EFL1: variants seen among roughly 807,000 people sequenced by gnomAD.
The protein encoded by EFL1 is elongation factor-like GTPase 1.
EFL1 carries 76 observed loss-of-function variants against 126.7 expected under a neutral mutation model. The observed-to-expected ratio is 0.60, with a 90% CI of 0.50 to 0.73. EFL1 has a LOEUF of 0.73. EFL1 is among the 30% of genes least tolerant of loss of function. EFL1 has a pLI of 0.00. For missense variants in EFL1, 1,128 were observed against 1,343.2 expected (o/e 0.84, Z 2.50); for synonymous variants, 410 against 448.4 (o/e 0.91, Z 1.08).
At chr15:82,205,347 C>G (rs2074513648) in intron 15 of EFL1, among the ~76,000 whole-genome samples, 1 of 152,224 alleles carries the variant, frequency 6.6e-6, no homozygotes, top group Non-Finnish European at 1.5e-5. Context: ...CATGCATCTA[C>G]CAGTTTTCAG....
intron 15 of EFL1, among the ~76,000 whole-genome samples, chr15:82,211,619 C>CACACACACACA (rs1595985795): frequency 5.5e-5 from 8 of 145,110 alleles, no homozygotes; most frequent in African/African-American, 1.0e-4. Context: ...CACACACACA[C>CACACACACACA]TAGACTCTCT....
chr15:82,228,233 C>T lies in EFL1; in HGVS notation c.1027G>A (p.Ala343Thr), dbSNP rs749597702. 29 of 1,613,808 alleles carry T rather than the reference C, an allele frequency of 1.8e-5. No homozygotes were observed. The African/African-American group carries it at 3.1e-4, about 17-fold the overall frequency. Residue 343 changes from alanine (A) to threonine (T), a missense_variant, in exon 10 of 20, where the codon GCC becomes ACC. Ala to Thr is a moderately conservative substitution (Grantham distance 58). Transcript: ENST00000268206. Reference protein sequence around the residue: ...RHSDPKVQINAICSQWLPISH... With the variant: ...RHSDPKVQINTICSQWLPISH... ...ATGGGTAGCCACTGACTGCAAATGG[C>T]GTTGATCTGAACTTTAGGGTCTGAA...
At chr15:82,182,794 C>T (rs921562950) in intron 15 of EFL1, among the ~76,000 whole-genome samples, 58 of 151,504 alleles carry the variant, frequency 3.8e-4, no homozygotes, top group Admixed American at 8.5e-4. Context: ...CACTGTACTC[C>T]AGCCTGGGCG....
rs1567064834 is a variant in EFL1 at position 82,211,592 on chromosome 15, C to CACACACACACACACACACACACACA, written c.1750+3124_1750+3125insTGTGTGTGTGTGTGTGTGTGTGTGT. ...CACACACACACACACTAGACACATA[C>CACACACACACACACACACACACACA]TAGACACACACACACACACACACAC... On this transcript the variant is annotated intron_variant, in intron 15 of 19. Coordinates refer to ENST00000268206, the MANE Select transcript of EFL1 (RefSeq NM_024580.6). Among the ~76,000 whole-genome samples the CACACACACACACACACACACACACA allele has an allele frequency of 2.3e-4, 14 of 60,126 alleles. No homozygotes were observed. The East Asian group carries it at 4.0e-3, about 17-fold the overall frequency. 39.4% of individuals were successfully genotyped at this position (60,126 alleles called of 152,430 possible).
intron 16 of EFL1, among the ~76,000 whole-genome samples, chr15:82,160,610 C>T (rs1286913372): frequency 1.3e-5 from 2 of 152,014 alleles, no homozygotes; most frequent in African/African-American, 2.4e-5. Context: ...TAAAACAGCA[C>T]AAAAATTCAT....
At chr15:82,238,584 A>G in intron 6 of EFL1, 63 bp from the exon 7 acceptor site, 1 of 1,361,784 alleles carries the variant, frequency 7.3e-7, no homozygotes, top group Non-Finnish European at 1.0e-6. Flanking sequence ...CGGCAGGAGA[A>G]ACACTGTTTA....
At chr15:82,173,647 A>T (rs373962837) in intron 15 of EFL1, among the ~76,000 whole-genome samples, 2 of 152,226 alleles carry the variant, frequency 1.3e-5, no homozygotes, top group African/African-American at 4.8e-5. Flanking sequence ...GTAAAAAAGT[A>T]TATCTTTCCT....
Position 82,219,771 on chromosome 15 carries a change from C to G in EFL1, c.1492G>C (p.Glu498Gln). The G allele has an allele frequency of 6.2e-7, 1 of 1,614,040 alleles. No homozygotes were observed. Among genetic ancestry groups the G allele is most frequent in the Non-Finnish European group, 8.5e-7 (1 of 1,179,956 alleles). The change falls in exon 14 of 20, where the codon GAA (glutamate) becomes CAA (glutamine). Residue 498 changes from glutamate (E) to glutamine (Q), a missense_variant. Coordinates refer to ENST00000268206, the MANE Select transcript of EFL1 (RefSeq NM_024580.6). Reference sequence around the variant, plus strand: ...ATAAAAGACTCTTGGTTGTTTTCTTCCTGGAGCACAGGTTTAGGGGTCATA... The same window carrying G: ...ATAAAAGACTCTTGGTTGTTTTCTTGCTGGAGCACAGGTTTAGGGGTCATA... Reference protein sequence around the residue: ...ESMTPKPVLQEENNQESFIAF... With the variant: ...ESMTPKPVLQQENNQESFIAF...
chr15:82,132,681 TGGGGG>T (rs67000643), intron 19 of EFL1, among the ~76,000 whole-genome samples: 1 of 42,956 alleles, frequency 2.3e-5, no homozygotes, highest in Non-Finnish European at 4.6e-5. Context: ...GTCCAGGAAT[TGGGGG>T]GGGGGGGGGG....
intron 15 of EFL1, among the ~76,000 whole-genome samples, chr15:82,202,957 A>T (rs1286596733): frequency 6.6e-6 from 1 of 151,922 alleles, no homozygotes; most frequent in Non-Finnish European, 1.5e-5. Flanking sequence ...GGTTACAGGC[A>T]TGTTCCACCA....
intron 15 of EFL1, among the ~76,000 whole-genome samples, chr15:82,177,899 G>A (rs2074211139): frequency 6.6e-6 from 1 of 152,134 alleles, no homozygotes; most frequent in Admixed American, 6.6e-5. Context: ...TGTAGGTTAG[G>A]AAAATAATGT....
intron 18 of EFL1, among the ~76,000 whole-genome samples, chr15:82,147,124 A>G (rs907661253): frequency 2.0e-5 from 3 of 152,162 alleles, no homozygotes; most frequent in Non-Finnish European, 4.4e-5. Flanking sequence ...TCAGTCTGAT[A>G]AACACCAACA....
At chr15:82,136,187 T>C (rs766240164) in intron 19 of EFL1, among the ~76,000 whole-genome samples, 1 of 152,142 alleles carries the variant, frequency 6.6e-6, no homozygotes, top group African/African-American at 2.4e-5. Flanking sequence ...AAATTGAATA[T>C]ACGAATTCAA....
chr15:82,180,361 A>AAAAAAAAAAAC (rs1567052835), intron 15 of EFL1, among the ~76,000 whole-genome samples: 4 of 47,056 alleles, frequency 8.5e-5, no homozygotes, highest in African/African-American at 7.3e-4. Flanking sequence ...TAAACTGGCA[A>AAAAAAAAAAAC]AAAAAAAAAA....
At position 82,227,721 on chromosome 15, in the gene EFL1, T is replaced by C. The variant is rs139522091; in HGVS notation, c.1070-149A>G. On this transcript the variant is annotated intron_variant, in intron 10 of 19. Coordinates refer to ENST00000268206, the MANE Select transcript of EFL1 (RefSeq NM_024580.6). Reference sequence around the variant, plus strand: ...AGGCAACACTGCTTTATGCATCACATCTCAAAACATGCATACAATTTCAGG... The same window carrying C: ...AGGCAACACTGCTTTATGCATCACACCTCAAAACATGCATACAATTTCAGG... The C allele has an allele frequency of 4.0e-4, 423 of 1,046,060 alleles. 1 individual carries two copies. The African/African-American group carries it at 5.7e-3, about 14-fold the overall frequency. The allele number at this position is 1,046,060 out of a possible 1,614,324, so 64.8% of individuals were successfully genotyped here.
At chr15:82,187,231 A>G (rs1339142291) in intron 15 of EFL1, among the ~76,000 whole-genome samples, 1 of 152,172 alleles carries the variant, frequency 6.6e-6, no homozygotes, top group Non-Finnish European at 1.5e-5. Flanking sequence ...ATATGCCTGG[A>G]GCTTCAGTTT....
intron 3 of EFL1, among the ~76,000 whole-genome samples, chr15:82,255,560 T>G (rs892754604): frequency 5.3e-5 from 8 of 152,218 alleles, no homozygotes; most frequent in African/African-American, 1.4e-4. Context: ...TCTTAAGAAA[T>G]CTTCCTTTAA....
At chr15:82,198,715 A>G (rs1288314900) in intron 15 of EFL1, among the ~76,000 whole-genome samples, 4 of 152,140 alleles carry the variant, frequency 2.6e-5, no homozygotes, top group African/African-American at 9.7e-5. Flanking sequence ...CATCTACCTC[A>G]ACTTCCTTCT....
At position 82,228,265 on chromosome 15, in the gene EFL1, G is replaced by C; in HGVS notation, c.995C>G (p.Ala332Gly). 1 of 1,614,072 alleles carries C rather than the reference G, an allele frequency of 6.2e-7. No individual in the cohort carries two copies. The highest frequency in any genetic ancestry group is 8.5e-7 in the Non-Finnish European group (1 of 1,179,974). ...SLGLKIGARE[A>G]RHSDPKVQIN... is the part of the protein sequence containing the mutation. The stretch of plus-strand genomic sequence containing the variant: ...CTGAACTTTAGGGTCTGAATGTCGT[G>C]CCTCCCGGGCTCCAATTTTTAATCC... The change falls in exon 10 of 20, where the codon GCA becomes GGA. Residue 332 changes from alanine (A) to glycine (G), a missense_variant. Physicochemically the swap from Ala to Gly is moderately conservative, Grantham distance 60. Transcript: ENST00000268206.
Sources: gnomAD v4.1 joint callset for allele counts (sites outside exome capture counted in the v4.1 genomes callset) on GRCh38, gnomAD v4.1.1 for gene constraint, MANE v1.5 for transcripts, NCBI Gene and HGNC (gene_info 2026-07-23, HGNC 2026-07-21) for gene names.